Variants in ATF1 observed in about 807,000 individuals in gnomAD.
The protein encoded by ATF1 is cyclic AMP-dependent transcription factor ATF-1.
Under a neutral mutation model 34.7 loss-of-function variants are expected in ATF1, and 16 were observed. The ratio of observed to expected loss-of-function variants is 0.46; its 90% confidence interval spans 0.31 to 0.70. The LOEUF is 0.70. Ranked by LOEUF, ATF1 falls within the 30% of genes least tolerant of loss-of-function variation. The pLI is 0.05. For synonymous variants in ATF1, 105 were observed against 113.1 expected (o/e 0.93, Z 0.46); for missense variants, 255 against 321.6 (o/e 0.79, Z 1.58).
rs143593869 is a variant in ATF1, at chr12:50,820,844, G to A, written c.*1065G>A. On this transcript the variant is annotated 3_prime_UTR_variant, in exon 7 of 7. Transcript: ENST00000262053. Reference sequence around the variant, plus strand: ...GCTGATCTTTATAAATTCTAATGTTGAGTTTTTAATGATTATTTTAAATGT... The same window carrying A: ...GCTGATCTTTATAAATTCTAATGTTAAGTTTTTAATGATTATTTTAAATGT... 605 of 178,830 alleles carry A rather than the reference G, an allele frequency of 3.4e-3. 2 individuals are homozygous for A. The highest frequency in any genetic ancestry group is 5.1e-3 in the Non-Finnish European group (420 of 83,122). 11.1% of individuals were successfully genotyped at this position (178,830 alleles called of 1,614,324 possible). A position where few individuals can be genotyped will look rare whatever the true frequency, so the allele number is the denominator to read the frequency against.
intron 1 of ATF1, among the ~76,000 whole-genome samples, chr12:50,770,382 G>A (rs939136151): frequency 2.0e-5 from 3 of 152,178 alleles, no homozygotes; most frequent in Non-Finnish European, 2.9e-5. Context: ...CAGGGTTTCT[G>A]ACCTATGGTA....
Position 50,764,209 on chromosome 12 carries a change from C to G in ATF1, c.-105C>G, listed in dbSNP as rs1263067435. 6.6e-6 allele frequency: 1 copy of G among 152,044 alleles called. No homozygotes were observed. The highest frequency in any genetic ancestry group is 1.5e-5 in the Non-Finnish European group (1 of 68,000). The allele number at this position is 152,044 out of a possible 1,614,324, so 9.4% of individuals were successfully genotyped here. ...CCCCGAGAAGGAGGCTTGTCCCCCG[C>G]TGCGTGAGGGGGTGGGGAAGTGGGT... On this transcript the variant is annotated 5_prime_UTR_variant, in exon 1 of 7. Transcript: ENST00000262053.
chr12:50,786,019 A>G (rs1239937088), intron 2 of ATF1, among the ~76,000 whole-genome samples: 1 of 152,222 alleles, frequency 6.6e-6, no homozygotes, highest in African/African-American at 2.4e-5. Flanking sequence ...AGGATTAGAC[A>G]AAGTCCCAAA....
At chr12:50,813,310 A>ATT (rs1941775564) in intron 4 of ATF1, among the ~76,000 whole-genome samples, 1 of 152,198 alleles carries the variant, frequency 6.6e-6, no homozygotes, top group Admixed American at 6.5e-5. Context: ...ATAACATGTA[A>ATT]TACATTTAAC....
intron 1 of ATF1, among the ~76,000 whole-genome samples, chr12:50,769,548 C>G (rs1208638590): frequency 1.3e-5 from 2 of 151,806 alleles, no homozygotes; most frequent in Non-Finnish European, 2.9e-5. Context: ...TATCAAATGT[C>G]AAATGGTGTT....
intron 2 of ATF1, among the ~76,000 whole-genome samples, chr12:50,791,425 G>A (rs781610600): frequency 3.3e-5 from 5 of 152,096 alleles, no homozygotes; most frequent in East Asian, 1.9e-4. Flanking sequence ...GCGTGGTCAC[G>A]CATGCCTGTA....
At chr12:50,784,662 C>T (rs939511893) in intron 2 of ATF1, among the ~76,000 whole-genome samples, 10 of 151,930 alleles carry the variant, frequency 6.6e-5, no homozygotes, top group African/African-American at 1.9e-4. Context: ...TGAGTAGAAA[C>T]GTTATCTGGC....
intron 1 of ATF1, among the ~76,000 whole-genome samples, chr12:50,771,768 A>C (rs1166837295): frequency 1.3e-5 from 2 of 152,138 alleles, no homozygotes; most frequent in Non-Finnish European, 2.9e-5. Context: ...TGATGATAAA[A>C]CAGTTGCAGT....
At chr12:50,770,837 T>G (rs1940751525) in intron 1 of ATF1, among the ~76,000 whole-genome samples, 2 of 152,166 alleles carry the variant, frequency 1.3e-5, no homozygotes, top group South Asian at 4.1e-4. Flanking sequence ...TCAGAAGAAA[T>G]AAGAGGGATG....
intron 2 of ATF1, 47 bp from the exon 3 acceptor site, chr12:50,795,861 CT>C (rs1565910837): frequency 4.9e-6 from 7 of 1,440,682 alleles, no homozygotes; most frequent in Non-Finnish European, 6.7e-6. Flanking sequence ...TCAGTTGTTT[CT>C]TTTCCCACCT....
At chr12:50,813,708 G>A (rs1470892924) in intron 4 of ATF1, among the ~76,000 whole-genome samples, 4 of 152,116 alleles carry the variant, frequency 2.6e-5, no homozygotes, top group Non-Finnish European at 5.9e-5. Flanking sequence ...CAGCTCCTTG[G>A]GAGGCTGAGG....
At chr12:50,798,433 C>T (rs549998278) in intron 3 of ATF1, among the ~76,000 whole-genome samples, 2 of 151,764 alleles carry the variant, frequency 1.3e-5, no homozygotes, top group Admixed American at 6.6e-5. Flanking sequence ...CTCAGTCTTC[C>T]GAGTAGCTGG....
chr12:50,809,624 C>CA, intron 4 of ATF1, 35 bp downstream of exon 4: 6 of 1,565,708 alleles, frequency 3.8e-6, no homozygotes, highest in Non-Finnish European at 5.2e-6. Context: ...ATTATAAACA[C>CA]ACAAAACCTG....
chr12:50,775,617 G>A (rs1940900386), intron 1 of ATF1: 1 of 152,282 alleles, frequency 6.6e-6, no homozygotes, highest in Non-Finnish European at 1.5e-5. Flanking sequence ...GGATGGAGAA[G>A]TAGGAATTCT....
At chr12:50,771,951 T>C (rs1159329311) in intron 1 of ATF1, among the ~76,000 whole-genome samples, 1 of 152,236 alleles carries the variant, frequency 6.6e-6, no homozygotes, top group African/African-American at 2.4e-5. Context: ...ACCCCTTGTT[T>C]AGCATATCAT....
chr12:50,810,763 C>A (rs939134328), intron 4 of ATF1, among the ~76,000 whole-genome samples: 1 of 152,148 alleles, frequency 6.6e-6, no homozygotes, highest in South Asian at 2.1e-4. Context: ...CTGACCACCT[C>A]TTGCCGTCTC....
intron 1 of ATF1, among the ~76,000 whole-genome samples, chr12:50,771,066 C>T (rs966477986): frequency 3.3e-5 from 5 of 151,932 alleles, no homozygotes; most frequent in African/African-American, 1.2e-4. Context: ...ACTGCAGTGA[C>T]ACCATCTTGG....
chr12:50,777,076 A>G (rs1222082129), intron 1 of ATF1, among the ~76,000 whole-genome samples: 1 of 151,490 alleles, frequency 6.6e-6, no homozygotes, highest in Non-Finnish European at 1.5e-5. Flanking sequence ...CTGATCTCGA[A>G]CTCCTGACCT....
intron 3 of ATF1, among the ~76,000 whole-genome samples, chr12:50,799,547 T>C (rs954740848): frequency 1.3e-5 from 2 of 152,154 alleles, no homozygotes; most frequent in African/African-American, 4.8e-5. Flanking sequence ...AGCCAACTCC[T>C]AGATGATACA....
Sources: gnomAD v4.1 joint callset for allele counts (sites outside exome capture counted in the v4.1 genomes callset) on GRCh38, gnomAD v4.1.1 for gene constraint, MANE v1.5 for transcripts, NCBI Gene and HGNC (gene_info 2026-07-23, HGNC 2026-07-21) for gene names.